RHOU: variants seen among roughly 807,000 people sequenced by gnomAD.
RHOU encodes ras homolog family member U.
Under a neutral mutation model 12.6 loss-of-function variants are expected in RHOU, and 8 were observed. The ratio of observed to expected loss-of-function variants is 0.64; its 90% confidence interval spans 0.37 to 1.15. RHOU has a LOEUF of 1.15. RHOU is among the 50% of genes most tolerant of loss of function. RHOU has a pLI of 0.01. For synonymous variants in RHOU, 161 were observed against 147.4 expected (o/e 1.09, Z -0.67); for missense variants, 258 against 347.0 (o/e 0.74, Z 2.04).
chr1:228,707,105 C>CATATATATATAT, the RHOU span, among the ~76,000 whole-genome samples: 16 of 70,810 alleles, frequency 2.3e-4, 2 homozygotes, highest in Admixed American at 5.0e-4. Flanking sequence ...TATATACATA[C>CATATATATATAT]ATATATATAT....
chr1:228,685,980 G>A, the RHOU span, among the ~76,000 whole-genome samples: 2 of 152,122 alleles, frequency 1.3e-5, no homozygotes, highest in Admixed American at 1.3e-4. Flanking sequence ...TAAGATCAGA[G>A]TTTTACACTT....
chr1:228,648,720 T>A, the RHOU span, among the ~76,000 whole-genome samples: 1,641 of 152,286 alleles, frequency 0.011, 34 homozygotes, highest in African/African-American at 0.037. Context: ...TTCTTTTTTT[T>A]AAAATTTTTA....
At chr1:228,650,552 G>A in the RHOU span, 12 of 456,826 alleles carry the variant, frequency 2.6e-5, no homozygotes, top group African/African-American at 4.0e-5. Context: ...AGTGCCCGGC[G>A]GGTTGTCCTC....
the RHOU span, among the ~76,000 whole-genome samples, chr1:228,708,995 A>C: frequency 1.8e-4 from 28 of 152,182 alleles, no homozygotes; most frequent in South Asian, 5.2e-3. Flanking sequence ...CAAAAAAAGG[A>C]AGGGGTTGCA....
At chr1:228,684,198 G>C in the RHOU span, among the ~76,000 whole-genome samples, 26 of 152,222 alleles carry the variant, frequency 1.7e-4, no homozygotes, top group African/African-American at 5.3e-4. Context: ...CACCATGATG[G>C]TCTAATTTTT....
upstream of RHOU, among the ~76,000 whole-genome samples, chr1:228,732,461 G>A (rs1662515566): frequency 6.6e-6 from 1 of 152,160 alleles, no homozygotes. Context: ...GTAAAAAGGG[G>A]TAAAGTAAAG....
At chr1:228,724,446 A>G in the RHOU span, among the ~76,000 whole-genome samples, 4 of 152,202 alleles carry the variant, frequency 2.6e-5, no homozygotes, top group Non-Finnish European at 5.9e-5. Context: ...AAGCTAATTA[A>G]CATACTCATC....
At chr1:228,673,261 G>C in the RHOU span, among the ~76,000 whole-genome samples, 1 of 152,086 alleles carries the variant, frequency 6.6e-6, no homozygotes, top group Non-Finnish European at 1.5e-5. Context: ...AGTTTTGCTT[G>C]TTCTTGATCT....
Position 228,745,301 on chromosome 1 carries a change from G to C in RHOU, c.*1561G>C, listed in dbSNP as rs1203504778. 1 of 152,222 alleles carries C rather than the reference G, an allele frequency of 6.6e-6. No individual in the cohort carries two copies. The highest frequency in any genetic ancestry group is 1.5e-5 in the Non-Finnish European group (1 of 68,030). The allele number at this position is 152,222 out of a possible 1,614,324, so 9.4% of individuals were successfully genotyped here. On this transcript the variant is annotated 3_prime_UTR_variant, in exon 3 of 3. Transcript: ENST00000366691. ...CCTGAACACTCAGTTGCAGGGTCGGGCTTGCGGTGGGTGACCCAGAGCCAC... is the reference window on the plus strand; with the variant it reads ...CCTGAACACTCAGTTGCAGGGTCGGCCTTGCGGTGGGTGACCCAGAGCCAC...
chr1:228,677,657 G>A, the RHOU span, among the ~76,000 whole-genome samples: 7 of 152,054 alleles, frequency 4.6e-5, no homozygotes, highest in African/African-American at 1.7e-4. Context: ...GGTAGAAGGT[G>A]GCATAAGAAC....
Position 228,743,628 on chromosome 1 carries a change from G to C in RHOU, c.665G>C (p.Gly222Ala). Residue 222 changes from glycine to alanine, a missense_variant, in exon 3 of 3, where the codon GGC becomes GCC. Coordinates refer to ENST00000366691, the MANE Select transcript of RHOU (RefSeq NM_021205.6). The surrounding 1 kb of genome is among the most constrained non-coding windows in gnomAD (Gnocchi z 5.1). ...GTCTTTGATGCAGCCATCGTCGCTG[G>C]CATTCAATACTCGGACACTCAGCAA... ...KEVFDAAIVA[G>A]IQYSDTQQQP... 1 of 1,614,166 alleles carries C rather than the reference G, an allele frequency of 6.2e-7. No homozygotes were observed. The highest frequency in any genetic ancestry group is 1.3e-5 in the African/African-American group (1 of 75,036).
chr1:228,671,546 G>C, the RHOU span, among the ~76,000 whole-genome samples: 7 of 151,348 alleles, frequency 4.6e-5, no homozygotes, highest in African/African-American at 1.7e-4. Context: ...GTGAAACCCC[G>C]TCTCTACTAA....
the RHOU span, among the ~76,000 whole-genome samples, chr1:228,704,753 T>C: frequency 3.3e-5 from 5 of 152,236 alleles, no homozygotes; most frequent in East Asian, 9.7e-4. Flanking sequence ...CCACTGTTTC[T>C]GGTCAGTCAC....
At chr1:228,673,128 C>G in the RHOU span, among the ~76,000 whole-genome samples, 1 of 152,190 alleles carries the variant, frequency 6.6e-6, no homozygotes, top group African/African-American at 2.4e-5. Context: ...AACATACACA[C>G]TTGTACTCAT....
chr1:228,662,587 A>C, the RHOU span, among the ~76,000 whole-genome samples: 1 of 151,778 alleles, frequency 6.6e-6, no homozygotes, highest in South Asian at 2.1e-4. Context: ...GAGGACAGAA[A>C]ACCAAACACT....
the RHOU span, among the ~76,000 whole-genome samples, chr1:228,716,353 G>A: frequency 1.3e-5 from 2 of 152,062 alleles, no homozygotes; most frequent in African/African-American, 4.8e-5. Context: ...AGTTGTCTCT[G>A]TCTTATCTTT....
At chr1:228,710,655 A>G in the RHOU span, among the ~76,000 whole-genome samples, 12 of 151,320 alleles carry the variant, frequency 7.9e-5, no homozygotes, top group African/African-American at 2.4e-4. Flanking sequence ...TTGATGGGAC[A>G]TATCTCAAAA....
chr1:228,706,412 A>G, the RHOU span, among the ~76,000 whole-genome samples: 1 of 152,234 alleles, frequency 6.6e-6, no homozygotes. Flanking sequence ...GAAAAAGGAA[A>G]GTGATGTACA....
the RHOU span, among the ~76,000 whole-genome samples, chr1:228,703,691 C>T: frequency 2.0e-5 from 3 of 152,198 alleles, no homozygotes; most frequent in Non-Finnish European, 4.4e-5. Context: ...TTAAAGCATT[C>T]TCTATACCTG....
Sources: gnomAD v4.1 joint callset for allele counts (sites outside exome capture counted in the v4.1 genomes callset) on GRCh38, gnomAD v4.1.1 for gene constraint, Gnocchi (gnomAD v3.1) non-coding constraint, MANE v1.5 for transcripts, NCBI Gene and HGNC (gene_info 2026-07-23, HGNC 2026-07-21) for gene names.